Variants in CACNB4 observed in about 807,000 individuals in gnomAD.
The protein encoded by CACNB4 is voltage-dependent L-type calcium channel subunit beta-4.
Under a neutral mutation model 71.2 loss-of-function variants are expected in CACNB4, and 32 were observed. The observed-to-expected ratio is 0.45, with a 90% CI of 0.34 to 0.60. The LOEUF is 0.60. Among genes scored for constraint, CACNB4 ranks in the 20% least tolerant of loss-of-function variants. The pLI is 0.01. For synonymous variants in CACNB4, 231 were observed against 236.9 expected (o/e 0.97, Z 0.23); for missense variants, 464 against 647.9 (o/e 0.72, Z 3.08).
intron 12 of CACNB4, among the ~76,000 whole-genome samples, chr2:151,847,206 C>T (rs956621497): frequency 4.0e-5 from 6 of 151,562 alleles, no homozygotes; most frequent in African/African-American, 1.2e-4. Context: ...ATGGCAAAAC[C>T]CTGTCTCTAC....
chr2:151,932,090 T>C (rs1187514039), intron 2 of CACNB4, among the ~76,000 whole-genome samples: 4 of 152,048 alleles, frequency 2.6e-5, no homozygotes, highest in African/African-American at 9.7e-5. Flanking sequence ...AAGATAAAAA[T>C]GGAAGGAAGC....
intron 2 of CACNB4, among the ~76,000 whole-genome samples, chr2:151,952,810 C>T (rs532390938): frequency 6.5e-4 from 99 of 152,202 alleles, no homozygotes; most frequent in African/African-American, 2.1e-3. Context: ...GTTCTGGCAC[C>T]GTTACTCAAA....
chr2:151,870,933 T>C, intron 6 of CACNB4, 72 bp from the exon 7 acceptor site: 1 of 1,107,302 alleles, frequency 9.0e-7, no homozygotes, highest in Non-Finnish European at 1.3e-6. Context: ...GTTTAAAAGA[T>C]GGAAGAATGT....
chr2:151,872,273 C>A, intron 6 of CACNB4, 144 bp downstream of exon 6: 1 of 608,892 alleles, frequency 1.6e-6, no homozygotes, highest in South Asian at 1.8e-5. Flanking sequence ...CCATAGAAAA[C>A]AAATGAGAAA....
chr2:151,985,267 C>T (rs978660199), intron 2 of CACNB4, among the ~76,000 whole-genome samples: 2 of 152,106 alleles, frequency 1.3e-5, no homozygotes. Flanking sequence ...CTTTTGCATT[C>T]TCTTAGCAGT....
At chr2:151,986,071 T>C (rs17270387) in intron 2 of CACNB4, among the ~76,000 whole-genome samples, 1,864 of 152,312 alleles carry the variant, frequency 0.012, 20 homozygotes, top group Middle Eastern at 0.02. Flanking sequence ...CTACATGCAC[T>C]TCCTTAGGCA....
At chr2:151,908,305 C>T (rs2099855294) in intron 2 of CACNB4, among the ~76,000 whole-genome samples, 1 of 152,184 alleles carries the variant, frequency 6.6e-6, no homozygotes, top group South Asian at 2.1e-4. Context: ...AAACTAAGCA[C>T]TTTGGAAAGT....
intron 2 of CACNB4, among the ~76,000 whole-genome samples, chr2:151,953,676 T>A (rs1231250824): frequency 1.3e-5 from 2 of 152,220 alleles, no homozygotes; most frequent in African/African-American, 4.8e-5. Flanking sequence ...TACTCTATGC[T>A]CCCTCCTGGT....
At chr2:152,020,977 G>A (rs957901381) in intron 2 of CACNB4, among the ~76,000 whole-genome samples, 10 of 152,194 alleles carry the variant, frequency 6.6e-5, no homozygotes, top group African/African-American at 2.2e-4. Context: ...CTCTAGCTGG[G>A]TGCGGTGGTT....
At chr2:151,873,182 T>C (rs1288171583) in intron 5 of CACNB4, 1 of 152,182 alleles carries the variant, frequency 6.6e-6, no homozygotes, top group Non-Finnish European at 1.5e-5. Flanking sequence ...AAAGTAGAAA[T>C]AAGACAGCGG....
At chr2:151,942,820 C>T (rs1047018191) in intron 2 of CACNB4, among the ~76,000 whole-genome samples, 2 of 152,120 alleles carry the variant, frequency 1.3e-5, no homozygotes, top group African/African-American at 4.8e-5. Flanking sequence ...AAACTCTGCC[C>T]TGGTAAATTT....
At chr2:152,097,644 G>A (rs1395729659) in intron 2 of CACNB4, among the ~76,000 whole-genome samples, 1 of 152,192 alleles carries the variant, frequency 6.6e-6, no homozygotes, top group African/African-American at 2.4e-5. Context: ...GAGATCCCGA[G>A]CACAGACAAT....
intron 2 of CACNB4, among the ~76,000 whole-genome samples, chr2:152,095,200 A>G (rs929410923): frequency 3.3e-5 from 5 of 152,184 alleles, no homozygotes; most frequent in African/African-American, 1.2e-4. Flanking sequence ...AAGGTCAAAG[A>G]TTCCTGAGGG....
intron 2 of CACNB4, among the ~76,000 whole-genome samples, chr2:151,955,102 A>G (rs2099867905): frequency 6.6e-6 from 1 of 151,832 alleles, no homozygotes; most frequent in African/African-American, 2.4e-5. Flanking sequence ...TGATCCGCCC[A>G]CCTCAGCCTC....
chr2:152,020,140 C>T (rs1683572226), intron 2 of CACNB4, among the ~76,000 whole-genome samples: 1 of 152,240 alleles, frequency 6.6e-6, no homozygotes, highest in Non-Finnish European at 1.5e-5. Context: ...ATTGTGGGCT[C>T]TACCCTTTAG....
At chr2:152,017,849 T>A (rs1452487317) in intron 2 of CACNB4, among the ~76,000 whole-genome samples, 1 of 152,126 alleles carries the variant, frequency 6.6e-6, no homozygotes, top group Non-Finnish European at 1.5e-5. Flanking sequence ...TTTTCTTTTT[T>A]TTTTATGGAA....
At chr2:151,899,307 A>G (rs2099852827) in intron 2 of CACNB4, among the ~76,000 whole-genome samples, 1 of 152,230 alleles carries the variant, frequency 6.6e-6, no homozygotes, top group African/African-American at 2.4e-5. Flanking sequence ...AGGAAGAAAC[A>G]TTCCAGCAGA....
intron 12 of CACNB4, among the ~76,000 whole-genome samples, chr2:151,843,301 C>A (rs1011536959): frequency 6.6e-6 from 1 of 152,200 alleles, no homozygotes; most frequent in African/African-American, 2.4e-5. Flanking sequence ...AGTGTTAGCA[C>A]ATCTCAACTT....
intron 2 of CACNB4, among the ~76,000 whole-genome samples, chr2:151,941,979 A>T (rs1025748346): frequency 2.0e-5 from 3 of 152,238 alleles, no homozygotes; most frequent in African/African-American, 7.2e-5. Context: ...CATGGAGGGG[A>T]TGCTAGGCAG....
Sources: allele counts gnomAD v4.1 joint callset (sites outside exome capture counted in the v4.1 genomes callset), GRCh38; gene constraint gnomAD v4.1.1; transcripts MANE v1.5; gene names NCBI Gene and HGNC (gene_info 2026-07-23, HGNC 2026-07-21).